DYNC1I1: variants seen among roughly 807,000 people sequenced by gnomAD.
The protein encoded by DYNC1I1 is cytoplasmic dynein 1 intermediate chain 1.
In DYNC1I1, 43 loss-of-function variants were observed where a neutral mutation model predicts 86.6. The observed-to-expected ratio is 0.50, with a 90% CI of 0.39 to 0.64. The LOEUF (loss-of-function observed/expected upper bound fraction) is 0.64, where lower values mean the gene tolerates loss of function less well. Ranked by LOEUF, DYNC1I1 falls within the 30% of genes least tolerant of loss-of-function variation. DYNC1I1 has a pLI of 0.00. For synonymous variants in DYNC1I1, 262 were observed against 283.7 expected, an observed-to-expected ratio of 0.92 and a Z score of 0.77; for missense variants, 604 against 788.8, an observed-to-expected ratio of 0.77 and a Z score of 2.81.
intron 6 of DYNC1I1, among the ~76,000 whole-genome samples, chr7:95,952,830 T>C (rs1161322085): frequency 6.6e-6 from 1 of 152,032 alleles, no homozygotes; most frequent in Non-Finnish European, 1.5e-5. Context: ...TTGCCCTGTG[T>C]CTCTTTCTTC....
chr7:96,078,359 C>T (rs1446684027), intron 15 of DYNC1I1, among the ~76,000 whole-genome samples: 1 of 152,144 alleles, frequency 6.6e-6, no homozygotes, highest in East Asian at 1.9e-4. Context: ...ACAGAGAGAA[C>T]ATATGAATTG....
chr7:96,010,089 T>G (rs1794238792), intron 10 of DYNC1I1, among the ~76,000 whole-genome samples: 1 of 152,166 alleles, frequency 6.6e-6, no homozygotes, highest in Non-Finnish European at 1.5e-5. Flanking sequence ...AACCTAGCAC[T>G]GTGCTAGGTA....
chr7:96,011,413 C>T (rs923586863), intron 10 of DYNC1I1, among the ~76,000 whole-genome samples: 1 of 152,104 alleles, frequency 6.6e-6, no homozygotes, highest in African/African-American at 2.4e-5. Context: ...TAGAAATTCA[C>T]GTTCTTCAGT....
intron 6 of DYNC1I1, among the ~76,000 whole-genome samples, chr7:95,960,677 T>A (rs319336): frequency 0.33 from 49,554 of 152,036 alleles, 8,645 homozygotes; most frequent in East Asian, 0.68. Flanking sequence ...TCGGTTGGCC[T>A]CACAGCTGCA....
intron 5 of DYNC1I1, among the ~76,000 whole-genome samples, chr7:95,843,867 A>T (rs976188203): frequency 6.6e-6 from 1 of 152,242 alleles, no homozygotes; most frequent in African/African-American, 2.4e-5. Flanking sequence ...AAAGGGAAAG[A>T]TGAAATAACA....
In DYNC1I1 at chr7:95,996,040, G is replaced by A; in HGVS notation, c.936G>A (p.Lys312=). Residue 312 remains lysine, a synonymous_variant, in exon 10 of 17, where the codon AAG becomes AAA. Coordinates refer to ENST00000447467, the MANE Select transcript of DYNC1I1 (RefSeq NM_001135556.2). ...GVALVWNMKF[K]KTTPEYVFHC... is the part of the protein sequence containing the mutation. ...CCTTGGTTTGGAACATGAAGTTTAA[G>A]AAAACCACACCAGAATACGTCTTCC... is the stretch of plus-strand genomic sequence containing the variant. 6.2e-7 allele frequency: 1 copy of A among 1,613,990 alleles called. No homozygotes were observed. Among genetic ancestry groups the A allele is most frequent in the Non-Finnish European group, 8.5e-7 (1 of 1,179,950 alleles).
At chr7:96,015,232 G>C (rs1794372306) in intron 10 of DYNC1I1, among the ~76,000 whole-genome samples, 1 of 152,052 alleles carries the variant, frequency 6.6e-6, no homozygotes, top group Admixed American at 6.6e-5. Flanking sequence ...ATAATTGACT[G>C]ACACATACAT....
intron 11 of DYNC1I1, among the ~76,000 whole-genome samples, chr7:96,029,895 A>T (rs1368113363): frequency 6.6e-6 from 1 of 151,386 alleles, no homozygotes; most frequent in Non-Finnish European, 1.5e-5. Flanking sequence ...TGGGCAACAG[A>T]GGGAGACTTC....
intron 16 of DYNC1I1, among the ~76,000 whole-genome samples, chr7:96,093,008 G>A (rs1052340148): frequency 6.6e-6 from 1 of 152,106 alleles, no homozygotes; most frequent in South Asian, 2.1e-4. Context: ...TCCCTATACT[G>A]TCCTCTCCTA....
At chr7:96,108,718 C>A (rs995253924) in intron 16 of DYNC1I1, among the ~76,000 whole-genome samples, 2 of 151,728 alleles carry the variant, frequency 1.3e-5, no homozygotes, top group Non-Finnish European at 2.9e-5. Flanking sequence ...AAAAATTAAC[C>A]GGGTGTGGTG....
At chr7:95,813,153 T>G (rs561917954) in intron 3 of DYNC1I1, 94 bp from the exon 4 acceptor site, 2 of 1,607,754 alleles carry the variant, frequency 1.2e-6, no homozygotes, top group Admixed American at 1.7e-5. Context: ...CACTTTAATT[T>G]GGGCCCATTT....
chr7:95,793,167 G>T (rs557185632), intron 1 of DYNC1I1, among the ~76,000 whole-genome samples: 1 of 152,248 alleles, frequency 6.6e-6, no homozygotes, highest in East Asian at 1.9e-4. Flanking sequence ...TATTGCAATT[G>T]TCAGAAGCAA....
chr7:96,029,978 T>TTTGTTGTTG (rs555898210), intron 11 of DYNC1I1, among the ~76,000 whole-genome samples: 9 of 151,808 alleles, frequency 5.9e-5, no homozygotes, highest in African/African-American at 2.2e-4. Context: ...CTTTTGCTGT[T>TTTGTTGTTG]TTGTTGTTGT....
At chr7:95,888,068 C>T (rs1790642345) in intron 6 of DYNC1I1, among the ~76,000 whole-genome samples, 1 of 152,182 alleles carries the variant, frequency 6.6e-6, no homozygotes, top group Non-Finnish European at 1.5e-5. Context: ...TGAATGCCTT[C>T]ATGAAAATGT....
chr7:95,902,811 A>G (rs1791075138), intron 6 of DYNC1I1, among the ~76,000 whole-genome samples: 1 of 152,150 alleles, frequency 6.6e-6, no homozygotes, highest in Non-Finnish European at 1.5e-5. Context: ...TATTCAGGCC[A>G]TTCTAATTAC....
chr7:96,003,686 G>T (rs1171500726), intron 10 of DYNC1I1, among the ~76,000 whole-genome samples: 1 of 152,002 alleles, frequency 6.6e-6, no homozygotes, highest in East Asian at 1.9e-4. Flanking sequence ...TTCAGGAAAG[G>T]AACCAGTACA....
At chr7:95,820,759 A>T (rs1170640652) in intron 4 of DYNC1I1, among the ~76,000 whole-genome samples, 1 of 152,242 alleles carries the variant, frequency 6.6e-6, no homozygotes, top group Non-Finnish European at 1.5e-5. Flanking sequence ...AATAATATTC[A>T]TAGAGACAGG....
chr7:95,779,246 T>G (rs1793923768), intron 1 of DYNC1I1, among the ~76,000 whole-genome samples: 1 of 152,194 alleles, frequency 6.6e-6, no homozygotes. Context: ...ATAATTTAAG[T>G]CAATTTTTTT....
At chr7:96,060,160 G>A (rs918748567) in intron 14 of DYNC1I1, among the ~76,000 whole-genome samples, 4 of 152,162 alleles carry the variant, frequency 2.6e-5, no homozygotes, top group Non-Finnish European at 5.9e-5. Flanking sequence ...CTTCCCTGGT[G>A]CAGGTTCTTC....
Sources: gnomAD v4.1 joint callset for allele counts (sites outside exome capture counted in the v4.1 genomes callset) on GRCh38, gnomAD v4.1.1 for gene constraint, MANE v1.5 for transcripts, NCBI Gene and HGNC (gene_info 2026-07-23, HGNC 2026-07-21) for gene names.